Variants in GLYATL1 observed in about 807,000 individuals in gnomAD.
The protein encoded by GLYATL1 is glycine N-acyltransferase-like protein 1.
In GLYATL1, 15 loss-of-function variants were observed where a neutral mutation model predicts 20.0. The observed-to-expected ratio is 0.75, with a 90% CI of 0.50 to 1.15. The LOEUF is 1.15. Ranked by LOEUF, GLYATL1 falls within the 50% of genes most tolerant of loss-of-function variation. The pLI is 0.00. For synonymous variants in GLYATL1, 151 were observed against 131.5 expected (o/e 1.15, Z -1.01); for missense variants, 380 against 368.5 (o/e 1.03, Z -0.26).
chr11:58,939,337 G>C (rs1855980386), upstream of GLYATL1: 4 of 152,198 alleles, frequency 2.6e-5, no homozygotes, highest in Non-Finnish European at 2.9e-5. Flanking sequence ...GACCGAGCTT[G>C]CATCTCCTCT....
chr11:58,912,871 C>T (rs1455534657), downstream of GLYATL1, among the ~76,000 whole-genome samples: 10 of 152,172 alleles, frequency 6.6e-5, no homozygotes, highest in African/African-American at 2.4e-4. Flanking sequence ...ATCCAGGAAA[C>T]ACACAAATAG....
chr11:58,947,751 TG>T, intron 3 of GLYATL1, 106 bp from the exon 4 acceptor site: 1 of 757,684 alleles, frequency 1.3e-6, no homozygotes, highest in Non-Finnish European at 2.4e-6. Context: ...ATCACTGACT[TG>T]GTCTCAGTAC....
chr11:58,947,732 C>T (rs919819296), intron 3 of GLYATL1, 126 bp from the exon 4 acceptor site: 6 of 691,120 alleles, frequency 8.7e-6, no homozygotes, highest in Middle Eastern at 6.9e-4. Context: ...CCATACTGCT[C>T]ATCTCACCAT....
chr11:58,948,812 T>C (rs1194703501), intron 4 of GLYATL1, among the ~76,000 whole-genome samples: 2 of 152,152 alleles, frequency 1.3e-5, no homozygotes, highest in African/African-American at 4.8e-5. Context: ...GGAAACAACA[T>C]TGAGAAATAT....
At chr11:58,934,515 A>C (rs1855742025), upstream of GLYATL1, 1 of 152,454 alleles carries the variant, frequency 6.6e-6, no homozygotes, top group African/African-American at 2.4e-5. Flanking sequence ...GTTGTGTGAG[A>C]TCTGTCCTAG....
intron 1 of GLYATL1, among the ~76,000 whole-genome samples, chr11:58,914,411 A>T (rs1205203978): frequency 2.6e-5 from 4 of 152,224 alleles, no homozygotes; most frequent in Non-Finnish European, 5.9e-5. Context: ...GTAGAGTCAG[A>T]GGTCTCCGGA....
At chr11:58,908,490 G>A (rs939755024) in exon 2 of GLYATL1, 4 of 209,182 alleles carry the variant, frequency 1.9e-5, no homozygotes, top group Non-Finnish European at 4.2e-5. Context: ...AGACTGAAGG[G>A]AACAAGTCAT....
rs757733266 is a variant in GLYATL1 at position 58,955,229 on chromosome 11, G to C, written c.367G>C (p.Val123Leu). The C allele has an allele frequency of 6.2e-7, 1 of 1,614,146 alleles. No individual in the cohort carries two copies. The highest frequency in any genetic ancestry group is 8.5e-7 in the Non-Finnish European group (1 of 1,179,984). The change falls in exon 6 of 7, where the codon GTG becomes CTG. Residue 123 changes from valine to leucine, a missense_variant. By Grantham distance (32) the Val-to-Leu change is conservative. Coordinates refer to ENST00000532726, the MANE Select transcript of GLYATL1 (RefSeq NM_001389712.2). ...AAGAGTGGCTACATTTTCAAAGTCA[G>C]TGAAAGTAGAGCATTCGAGAGCACT... ...GIRVATFSKS[V>L]KVEHSRALLL...
At chr11:58,949,071 T>C (rs371183149) in intron 4 of GLYATL1, among the ~76,000 whole-genome samples, 33 of 152,262 alleles carry the variant, frequency 2.2e-4, no homozygotes, top group African/African-American at 7.7e-4. Context: ...TTAGCCATTA[T>C]TGGCTGAGGA....
rs566538510 is a variant in GLYATL1 at position 58,916,801 on chromosome 11, C to T, written n.264+11140C>T. Among the ~76,000 whole-genome samples, 31 of 152,330 alleles carry T rather than the reference C, an allele frequency of 2.0e-4. No individual in the cohort carries two copies. In the South Asian group the frequency reaches 6.4e-3, roughly 32 times the overall value. ...CAAACAAAGCAACAAAAGAATGAAGCAATGTAAGCATAGATTTATTGATGT... is the reference window on the plus strand; with the variant it reads ...CAAACAAAGCAACAAAAGAATGAAGTAATGTAAGCATAGATTTATTGATGT... On this transcript the variant is annotated intron_variant and non_coding_transcript_variant, in intron 1 of 2. Coordinates refer to the GLYATL1 transcript ENST00000534674.
At chr11:58,919,354 A>G in intron 1 of GLYATL1, among the ~76,000 whole-genome samples, 1 of 152,246 alleles carries the variant, frequency 6.6e-6, no homozygotes, top group East Asian at 1.9e-4. Flanking sequence ...ATCCCACCTC[A>G]GATGAGTTTC....
intron 4 of GLYATL1, among the ~76,000 whole-genome samples, chr11:58,948,640 T>C (rs10896883): frequency 0.16 from 23,890 of 151,934 alleles, 2,044 homozygotes; most frequent in East Asian, 0.31. Flanking sequence ...GACCCTGTTG[T>C]TTTTGTTTTG....
chr11:58,939,319 G>A (rs1410258262), upstream of GLYATL1: 1 of 152,136 alleles, frequency 6.6e-6, no homozygotes, highest in Non-Finnish European at 1.5e-5. Flanking sequence ...TCAGCAAGAC[G>A]GATTTGAGAC....
At chr11:58,913,265 C>A (rs150295523), downstream of GLYATL1, among the ~76,000 whole-genome samples, 443 of 151,844 alleles carry the variant, frequency 2.9e-3, 2 homozygotes, top group Admixed American at 4.7e-3. Flanking sequence ...AGGGAGGGGG[C>A]CTGGAGTGGC....
At position 58,951,396 on chromosome 11, in the gene GLYATL1, A is replaced by T. The variant is rs556015934; in HGVS notation, c.187-3374A>T. On this transcript the variant is annotated intron_variant, in intron 4 of 6. Coordinates refer to ENST00000532726, the MANE Select transcript of GLYATL1 (RefSeq NM_001389712.2). ...TCTGTATTTTTTCTAGTCTTTTCTC[A>T]TGCTATTTCATTGTTTCTGTGGTAA... 5.3e-5 allele frequency among the ~76,000 whole-genome samples: 8 copies of T among 152,086 alleles called. No homozygotes were observed. In the East Asian group the frequency reaches 7.7e-4, roughly 15 times the overall value.
chr11:58,933,445 T>A lies in GLYATL1; in HGVS notation c.-212+5616T>A, dbSNP rs192017636. On this transcript the variant is annotated intron_variant, in intron 1 of 7. Transcript: ENST00000317391. ...TATTCCTCTATTTATATAGATTAGA[T>A]CCAATACTTCAGGCTTCACAATGAT... is the stretch of plus-strand genomic sequence containing the variant. Among the ~76,000 whole-genome samples the A allele has an allele frequency of 2.5e-4, 38 of 152,308 alleles. 3 individuals are homozygous for A. Among genetic ancestry groups the A allele is most frequent in the Admixed American group, 2.2e-3 (34 of 15,302 alleles).
intron 1 of GLYATL1, 140 bp downstream of exon 1, chr11:58,939,790 T>C (rs1190282710): frequency 6.6e-6 from 1 of 152,324 alleles, no homozygotes; most frequent in East Asian, 1.9e-4. Flanking sequence ...GTATGGACAT[T>C]CTTGGGGGCT....
upstream of GLYATL1, among the ~76,000 whole-genome samples, chr11:58,926,075 A>C (rs959118738): frequency 1.3e-5 from 2 of 152,170 alleles, no homozygotes; most frequent in Non-Finnish European, 2.9e-5. Context: ...ACACACACAT[A>C]TCTTAGTTTT....
chr11:58,923,379 G>A (rs1246240563), upstream of GLYATL1, among the ~76,000 whole-genome samples: 2 of 152,134 alleles, frequency 1.3e-5, no homozygotes, highest in Non-Finnish European at 2.9e-5. Flanking sequence ...GGGTTTAAAC[G>A]CCCTCTAGAG....
Sources: gnomAD v4.1 joint callset for allele counts (sites outside exome capture counted in the v4.1 genomes callset) on GRCh38, gnomAD v4.1.1 for gene constraint, MANE v1.5 for transcripts, NCBI Gene and HGNC (gene_info 2026-07-23, HGNC 2026-07-21) for gene names.